The following NXPE4 variants were observed in gnomAD, a reference collection of about 807,000 sequenced individuals.
NXPE4 encodes neurexophilin and PC-esterase domain family member 4.
Under a neutral mutation model 33.3 loss-of-function variants are expected in NXPE4, and 42 were observed. The observed-to-expected ratio is 1.26, with a 90% confidence interval of 0.98 to 1.63. The LOEUF is 1.63. NXPE4 is among the 40% of genes most tolerant of loss of function. The pLI is 0.00. For synonymous variants in NXPE4, 253 were observed against 234.9 expected (o/e 1.08, Z -0.71); for missense variants, 709 against 647.6 (o/e 1.09, Z -1.03).
the NXPE4 span, among the ~76,000 whole-genome samples, chr11:114,638,497 A>G: frequency 1.3e-5 from 2 of 151,820 alleles, no homozygotes; most frequent in East Asian, 1.9e-4. Context: ...ACTTTGTTCC[A>G]TTGCTGGTGA....
At chr11:114,581,350 G>C (rs1000989593) in intron 4 of NXPE4, among the ~76,000 whole-genome samples, 3 of 152,210 alleles carry the variant, frequency 2.0e-5, no homozygotes, top group Non-Finnish European at 2.9e-5. Context: ...GAAACCTCTA[G>C]ATGGTGATGG....
chr11:114,641,182 C>T, the NXPE4 span, among the ~76,000 whole-genome samples: 2 of 151,390 alleles, frequency 1.3e-5, no homozygotes, highest in African/African-American at 4.9e-5. Flanking sequence ...AAGAACTCTC[C>T]CAGAAATAAT....
chr11:114,580,989 T>C (rs1221170097), intron 4 of NXPE4, among the ~76,000 whole-genome samples: 1 of 152,182 alleles, frequency 6.6e-6, no homozygotes, highest in African/African-American at 2.4e-5. Context: ...AGTAGTTTAA[T>C]ATTTTAATAA....
the NXPE4 span, among the ~76,000 whole-genome samples, chr11:114,660,882 G>C: frequency 6.6e-6 from 1 of 152,092 alleles, no homozygotes; most frequent in Non-Finnish European, 1.5e-5. Context: ...GAACTATTTA[G>C]TGTCAGCAAG....
chr11:114,576,659 G>C (rs945577307), intron 5 of NXPE4, among the ~76,000 whole-genome samples: 10 of 152,100 alleles, frequency 6.6e-5, no homozygotes, highest in African/African-American at 1.7e-4. Flanking sequence ...CCTCAGTCCT[G>C]TAAGAAAGGC....
chr11:114,641,087 A>C, the NXPE4 span, among the ~76,000 whole-genome samples: 1 of 152,028 alleles, frequency 6.6e-6, no homozygotes, highest in African/African-American at 2.4e-5. Flanking sequence ...TGGTCTGAAA[A>C]GTATAATAAC....
At chr11:114,585,845 C>T (rs768233519) in intron 2 of NXPE4, among the ~76,000 whole-genome samples, 10 of 152,092 alleles carry the variant, frequency 6.6e-5, no homozygotes, top group East Asian at 1.9e-4. Flanking sequence ...TGAATGCTGG[C>T]GGCTGTGTCA....
chr11:114,618,374 G>T, the NXPE4 span, among the ~76,000 whole-genome samples: 6 of 151,882 alleles, frequency 4.0e-5, no homozygotes, highest in Non-Finnish European at 5.9e-5. Context: ...TGCCTCATGG[G>T]TAGTCACTGT....
the NXPE4 span, among the ~76,000 whole-genome samples, chr11:114,656,654 A>G: frequency 1.3e-5 from 2 of 152,074 alleles, no homozygotes; most frequent in African/African-American, 2.4e-5. Flanking sequence ...CCCAAAATCA[A>G]TGGGCAAAAA....
intron 2 of NXPE4, among the ~76,000 whole-genome samples, chr11:114,586,596 G>A (rs1949303900): frequency 6.6e-6 from 1 of 152,088 alleles, no homozygotes; most frequent in Non-Finnish European, 1.5e-5. Flanking sequence ...GTTTCTAATT[G>A]GTTTCCTTTT....
chr11:114,676,723 A>T, the NXPE4 span, among the ~76,000 whole-genome samples: 1 of 152,074 alleles, frequency 6.6e-6, no homozygotes, highest in African/African-American at 2.4e-5. Context: ...TTAAAATGGA[A>T]ATACTGTATG....
At chr11:114,642,458 T>G in the NXPE4 span, among the ~76,000 whole-genome samples, 1 of 152,098 alleles carries the variant, frequency 6.6e-6, no homozygotes, top group South Asian at 2.1e-4. Context: ...GGTGTGTGAT[T>G]TTCCCCTCCC....
the NXPE4 span, among the ~76,000 whole-genome samples, chr11:114,652,061 CTTTT>C: frequency 6.6e-6 from 1 of 152,188 alleles, no homozygotes; most frequent in Non-Finnish European, 1.5e-5. Context: ...AAGCTATTTA[CTTTT>C]TCTAAAACCT....
At chr11:114,641,209 G>A in the NXPE4 span, among the ~76,000 whole-genome samples, 7 of 151,860 alleles carry the variant, frequency 4.6e-5, no homozygotes, top group African/African-American at 1.7e-4. Flanking sequence ...GGAATATAGA[G>A]TTGAGAAAAC....
At chr11:114,617,318 T>A in the NXPE4 span, among the ~76,000 whole-genome samples, 3 of 152,118 alleles carry the variant, frequency 2.0e-5, no homozygotes, top group Non-Finnish European at 4.4e-5. Context: ...AAGTTTTGCC[T>A]CGTGGGTAAC....
Position 114,571,042 on chromosome 11 carries a change from T to A in NXPE4, c.1531A>T (p.Ile511Phe). The A allele has an allele frequency of 6.2e-7, 1 of 1,613,682 alleles. No individual in the cohort carries two copies. Among genetic ancestry groups the A allele is most frequent in the South Asian group, 1.1e-5 (1 of 91,080 alleles). ...GCAATTGTTATATCCCAGGCATCAA[T>A]GATACTCACACTGAGATCCTGGAAA... ...DIFQDLSVSI[I>F]DAWDITIAYG... Residue 511 changes from isoleucine (I) to phenylalanine (F), a missense_variant, in exon 6 of 6, where the codon ATT becomes TTT. Ile to Phe is a conservative substitution (Grantham distance 21). Coordinates refer to ENST00000375478, the MANE Select transcript of NXPE4 (RefSeq NM_001077639.2).
the NXPE4 span, among the ~76,000 whole-genome samples, chr11:114,617,286 C>A: frequency 6.6e-6 from 1 of 152,012 alleles, no homozygotes; most frequent in Non-Finnish European, 1.5e-5. Flanking sequence ...TCGTGGATAA[C>A]CACCATTACC....
chr11:114,642,882 A>T, the NXPE4 span, among the ~76,000 whole-genome samples: 2 of 152,098 alleles, frequency 1.3e-5, no homozygotes, highest in Non-Finnish European at 2.9e-5. Flanking sequence ...TCTCACCAAC[A>T]GTGTAAAATA....
Position 114,582,587 on chromosome 11 carries a change from C to T in NXPE4, c.531G>A (p.Leu177=). The T allele has an allele frequency of 6.2e-7, 1 of 1,614,192 alleles. No homozygotes were observed. The highest frequency in any genetic ancestry group is 8.5e-7 in the Non-Finnish European group (1 of 1,180,012). ...FTLFWEGQVS[L]SLLLIHPSEG... is the part of the protein sequence containing the mutation. ...CACTGGGGTGGATGAGCAGCAGAGA[C>T]AGAGAGACCTGGCCCTCCCAGAACA... The change falls in exon 3 of 6, where the codon CTG becomes CTA. Residue 177 remains leucine (L), a synonymous_variant. Coordinates refer to ENST00000375478, the MANE Select transcript of NXPE4 (RefSeq NM_001077639.2).
Sources: gnomAD v4.1 joint callset for allele counts (sites outside exome capture counted in the v4.1 genomes callset) on GRCh38, gnomAD v4.1.1 for gene constraint, MANE v1.5 for transcripts, NCBI Gene and HGNC (gene_info 2026-07-23, HGNC 2026-07-21) for gene names.